AGFG1: variants seen among roughly 807,000 people sequenced by gnomAD.
The protein encoded by AGFG1 is arf-GAP domain and FG repeat-containing protein 1.
In AGFG1, 10 loss-of-function variants were observed where a neutral mutation model predicts 60.6. The observed-to-expected ratio is 0.16, with a 90% CI of 0.10 to 0.28. The LOEUF (loss-of-function observed/expected upper bound fraction) is 0.28, where lower values mean the gene tolerates loss of function less well. Ranked by LOEUF, AGFG1 falls within the 10% of genes least tolerant of loss-of-function variation. The pLI is 1.00. For missense variants in AGFG1, 537 were observed against 676.5 expected (o/e 0.79, Z 2.29); for synonymous variants, 247 against 242.9 (o/e 1.02, Z -0.16).
intron 1 of AGFG1, among the ~76,000 whole-genome samples, chr2:227,487,050 A>G (rs1324569038): frequency 1.3e-5 from 2 of 152,214 alleles, no homozygotes; most frequent in Admixed American, 1.3e-4. Flanking sequence ...GCTGGTGGGT[A>G]TCACAGGATT....
intron 2 of AGFG1, among the ~76,000 whole-genome samples, chr2:227,514,182 G>GACCAA (rs1691583281): frequency 6.6e-6 from 1 of 152,108 alleles, no homozygotes; most frequent in South Asian, 2.1e-4. Flanking sequence ...CCACTTAAGA[G>GACCAA]ACCAGGCCCA....
chr2:227,472,847 A>T (rs1350853908), intron 1 of AGFG1, among the ~76,000 whole-genome samples: 1 of 132,338 alleles, frequency 7.6e-6, no homozygotes, highest in Non-Finnish European at 1.6e-5. Context: ...CGTGGGTGGG[A>T]CGTGGGCGGG....
chr2:227,485,614 T>C (rs148446909), intron 1 of AGFG1, among the ~76,000 whole-genome samples: 19 of 152,264 alleles, frequency 1.2e-4, no homozygotes, highest in African/African-American at 3.4e-4. Flanking sequence ...GCATGACTTT[T>C]ATTGGATCTG....
chr2:227,512,194 C>T (rs1691515067), intron 2 of AGFG1, among the ~76,000 whole-genome samples: 1 of 152,158 alleles, frequency 6.6e-6, no homozygotes, highest in African/African-American at 2.4e-5. Flanking sequence ...TTGTGTGTGC[C>T]TATTTTTAGT....
chr2:227,505,125 TC>T (rs1275109118), intron 2 of AGFG1, among the ~76,000 whole-genome samples: 19 of 152,372 alleles, frequency 1.2e-4, no homozygotes, highest in African/African-American at 4.1e-4. Context: ...AATTATTATG[TC>T]TTCTTGATTA....
chr2:227,506,134 T>C (rs1399844371), intron 2 of AGFG1, among the ~76,000 whole-genome samples: 4 of 152,252 alleles, frequency 2.6e-5, no homozygotes, highest in Non-Finnish European at 5.9e-5. Flanking sequence ...TGTCGCTGTT[T>C]GATTTTTCTT....
chr2:227,525,257 A>G (rs1472026578), intron 5 of AGFG1, among the ~76,000 whole-genome samples: 1 of 152,214 alleles, frequency 6.6e-6, no homozygotes. Context: ...TTCATTTGTC[A>G]TTCCAGTCAC....
At chr2:227,501,628 G>C (rs1691159480) in intron 2 of AGFG1, among the ~76,000 whole-genome samples, 1 of 152,034 alleles carries the variant, frequency 6.6e-6, no homozygotes, top group Non-Finnish European at 1.5e-5. Context: ...GTCACTCCCA[G>C]GCTGGAGTGC....
chr2:227,517,532 A>G (rs1178895362), intron 2 of AGFG1, among the ~76,000 whole-genome samples: 2 of 152,168 alleles, frequency 1.3e-5, no homozygotes, highest in East Asian at 1.9e-4. Flanking sequence ...GGCCTCCCAT[A>G]GTGCTGGGAT....
At position 227,505,887 on chromosome 2, in the gene AGFG1, G is replaced by A. The variant is rs545962235; in HGVS notation, c.262-14061G>A. ...CGAGTAGCTGGGATTACAGGCACCC[G>A]CCACCATGCCTGGCTAATTTTTGTA... On this transcript the variant is annotated intron_variant, in intron 2 of 12. Coordinates refer to ENST00000310078, the MANE Select transcript of AGFG1 (RefSeq NM_004504.5). Among the ~76,000 whole-genome samples, 308 of 152,014 alleles carry A rather than the reference G, an allele frequency of 2.0e-3. 2 individuals are homozygous for A. Among genetic ancestry groups the A allele is most frequent in the African/African-American group, 6.9e-3 (285 of 41,466 alleles).
intron 2 of AGFG1, among the ~76,000 whole-genome samples, chr2:227,506,452 A>G (rs1289808297): frequency 6.7e-6 from 1 of 148,900 alleles, no homozygotes; most frequent in East Asian, 2.0e-4. Context: ...TCCAGTTGCT[A>G]TGGCTGTGGT....
At chr2:227,508,668 G>A (rs1691399490) in intron 2 of AGFG1, 1 of 463,876 alleles carries the variant, frequency 2.2e-6, no homozygotes. Context: ...TAGAACAATT[G>A]GAATGGAAAC....
chr2:227,501,309 G>A (rs1387207059), intron 2 of AGFG1, among the ~76,000 whole-genome samples: 3 of 152,186 alleles, frequency 2.0e-5, no homozygotes, highest in African/African-American at 7.2e-5. Context: ...TTGAACTCCT[G>A]ACCTCAGGTG....
At chr2:227,474,102 A>G (rs575520801) in intron 1 of AGFG1, among the ~76,000 whole-genome samples, 28 of 152,228 alleles carry the variant, frequency 1.8e-4, no homozygotes, top group Non-Finnish European at 2.5e-4. Context: ...TCGAATTACT[A>G]CAGAATCACA....
At chr2:227,499,402 G>T (rs143925709) in intron 2 of AGFG1, among the ~76,000 whole-genome samples, 3 of 152,218 alleles carry the variant, frequency 2.0e-5, no homozygotes, top group Non-Finnish European at 4.4e-5. Context: ...CACTTTGGGA[G>T]GCTGAGGCAG....
chr2:227,482,991 T>A (rs1690515809), intron 1 of AGFG1, among the ~76,000 whole-genome samples: 1 of 151,964 alleles, frequency 6.6e-6, no homozygotes, highest in Admixed American at 6.6e-5. Flanking sequence ...TTTTTTTTTT[T>A]TTTTTTGCAC....
chr2:227,544,970 T>C (rs528434089), intron 10 of AGFG1, among the ~76,000 whole-genome samples: 3 of 152,296 alleles, frequency 2.0e-5, no homozygotes, highest in African/African-American at 7.2e-5. Flanking sequence ...ATCTTTGTGG[T>C]GTTCTCTGTA....
intron 10 of AGFG1, among the ~76,000 whole-genome samples, chr2:227,546,963 C>G (rs1379562124): frequency 6.6e-6 from 1 of 152,092 alleles, no homozygotes; most frequent in Non-Finnish European, 1.5e-5. Context: ...TTGTTTATTA[C>G]CTAGGTGGAA....
chr2:227,507,452 A>G (rs566182209), intron 2 of AGFG1, among the ~76,000 whole-genome samples: 2 of 152,092 alleles, frequency 1.3e-5, no homozygotes, highest in South Asian at 2.1e-4. Flanking sequence ...AATACTAACA[A>G]ATTAGCTGGG....
Sources: allele counts gnomAD v4.1 joint callset (sites outside exome capture counted in the v4.1 genomes callset), GRCh38; gene constraint gnomAD v4.1.1; transcripts MANE v1.5; gene names NCBI Gene and HGNC (gene_info 2026-07-23, HGNC 2026-07-21).